DNMT3B: variants seen among roughly 807,000 people sequenced by gnomAD.
DNMT3B encodes the protein DNA methyltransferase 3 beta.
DNMT3B carries 37 observed loss-of-function variants against 120.2 expected under a neutral mutation model. The observed-to-expected ratio is 0.31, with a 90% confidence interval of 0.24 to 0.40. DNMT3B has a LOEUF of 0.40. Among genes scored for constraint, DNMT3B ranks in the 10% least tolerant of loss-of-function variants. The pLI is 1.00. For missense variants in DNMT3B, 878 were observed against 1,137.3 expected (o/e 0.77, Z 3.28); for synonymous variants, 412 against 442.8 (o/e 0.93, Z 0.87).
In DNMT3B at chr20:32,788,866, T is replaced by C; in HGVS notation, c.667T>C (p.Phe223Leu). ...DSSEYQDGKE[F>L]GIGDLVWGKI... Reference sequence around the variant, plus strand: ...GGTTTTCTTCCAGGATGGGAAGGAGTTTGGAATAGGGGACCTCGTGTGGGG... The same window carrying C: ...GGTTTTCTTCCAGGATGGGAAGGAGCTTGGAATAGGGGACCTCGTGTGGGG... Residue 223 changes from phenylalanine (F) to leucine (L), a missense_variant, in exon 7 of 23, where the codon TTT (phenylalanine) becomes CTT (leucine). Phe to Leu is a conservative substitution (Grantham distance 22). Coordinates refer to ENST00000328111, the MANE Select transcript of DNMT3B (RefSeq NM_006892.4). 1 of 1,600,230 alleles carries C rather than the reference T, an allele frequency of 6.2e-7. No individual in the cohort carries two copies. Among genetic ancestry groups the C allele is most frequent in the East Asian group, 2.2e-5 (1 of 44,482 alleles).
chr20:32,763,237 C>A (rs1246504482), intron 1 of DNMT3B, among the ~76,000 whole-genome samples: 1 of 152,244 alleles, frequency 6.6e-6, no homozygotes, highest in African/African-American at 2.4e-5. Context: ...GCTGTCCCTT[C>A]CCCCAATCCC....
At chr20:32,777,396 G>A (rs547757413) in intron 1 of DNMT3B, among the ~76,000 whole-genome samples, 1 of 152,284 alleles carries the variant, frequency 6.6e-6, no homozygotes, top group East Asian at 1.9e-4. Context: ...TGAGACTCCT[G>A]TCTGGCTTCT....
At chr20:32,767,216 G>T (rs73112123) in intron 1 of DNMT3B, among the ~76,000 whole-genome samples, 1 of 152,022 alleles carries the variant, frequency 6.6e-6, no homozygotes. Context: ...TTTTAATGGG[G>T]TCCTTGTCTT....
Position 32,798,662 on chromosome 20 carries a change from C to T in DNMT3B, c.1674+19C>T. 1 of 1,613,796 alleles carries T rather than the reference C, an allele frequency of 6.2e-7. No homozygotes were observed. The highest frequency in any genetic ancestry group is 8.5e-7 in the Non-Finnish European group (1 of 1,180,030). The stretch of plus-strand genomic sequence containing the variant: ...TGAATATGTAAGCCACAGGCTCCCG[C>T]CTCTACCACCACAGATCCCAGGGGC... On this transcript the variant is annotated intron_variant, in intron 15 of 22. Coordinates refer to ENST00000328111, the MANE Select transcript of DNMT3B (RefSeq NM_006892.4).
chr20:32,778,786 C>A (rs1306719801), intron 1 of DNMT3B, among the ~76,000 whole-genome samples: 1 of 152,230 alleles, frequency 6.6e-6, no homozygotes, highest in South Asian at 2.1e-4. Context: ...CATAGCCAGA[C>A]TCTGTTTCTA....
intron 10 of DNMT3B, among the ~76,000 whole-genome samples, chr20:32,794,298 A>G (rs1980344429): frequency 6.8e-6 from 1 of 146,316 alleles, no homozygotes; most frequent in South Asian, 2.2e-4. Context: ...TGCTAAGATC[A>G]TGCCACTGCA....
intron 1 of DNMT3B, among the ~76,000 whole-genome samples, chr20:32,763,929 G>A (rs1162837156): frequency 1.3e-5 from 2 of 152,234 alleles, no homozygotes; most frequent in Non-Finnish European, 2.9e-5. Context: ...ACGGGTGGCA[G>A]TTTTTGGGAA....
intron 1 of DNMT3B, among the ~76,000 whole-genome samples, chr20:32,767,399 G>A: frequency 6.6e-6 from 1 of 150,656 alleles, no homozygotes; most frequent in Non-Finnish European, 1.5e-5. Context: ...TCCTCCACTT[G>A]TCCCAGTCTG....
intron 3 of DNMT3B, among the ~76,000 whole-genome samples, chr20:32,783,846 C>T (rs1270768074): frequency 1.3e-5 from 2 of 152,132 alleles, no homozygotes; most frequent in Non-Finnish European, 2.9e-5. Context: ...CTGCCTCAGC[C>T]TCCCAAGTAG....
At chr20:32,773,209 C>A (rs751473423) in intron 1 of DNMT3B, among the ~76,000 whole-genome samples, 2 of 151,760 alleles carry the variant, frequency 1.3e-5, no homozygotes. Flanking sequence ...CGGGTTCAAG[C>A]GATTCTCCTG....
chr20:32,799,862 T>G (rs1419300446), intron 16 of DNMT3B, among the ~76,000 whole-genome samples: 1 of 152,226 alleles, frequency 6.6e-6, no homozygotes, highest in Non-Finnish European at 1.5e-5. Flanking sequence ...CTGTTACACT[T>G]TATTTTTTAT....
intron 7 of DNMT3B, among the ~76,000 whole-genome samples, chr20:32,790,110 T>C (rs1979793730): frequency 6.6e-6 from 1 of 152,188 alleles, no homozygotes; most frequent in Non-Finnish European, 1.5e-5. Context: ...TGAGCTACCA[T>C]GGGGCCATTT....
At chr20:32,769,142 T>A (rs912924449) in intron 1 of DNMT3B, among the ~76,000 whole-genome samples, 2 of 152,194 alleles carry the variant, frequency 1.3e-5, no homozygotes, top group African/African-American at 4.8e-5. Context: ...TGGAGTGCAG[T>A]GGCGAGATCT....
intron 4 of DNMT3B, 39 bp downstream of exon 4, chr20:32,784,898 A>G (rs781107440): frequency 6.3e-7 from 1 of 1,597,292 alleles, no homozygotes; most frequent in Non-Finnish European, 8.6e-7. Context: ...CTTGTGGCCA[A>G]CACTCTACAT....
At chr20:32,788,589 A>T (rs543409025) in intron 6 of DNMT3B, among the ~76,000 whole-genome samples, 1 of 151,854 alleles carries the variant, frequency 6.6e-6, no homozygotes, top group Non-Finnish European at 1.5e-5. Context: ...GGCGTGCACC[A>T]CCAAGCCCAG....
In DNMT3B at chr20:32,770,714, G is replaced by GTGATT. The variant is rs958952307; in HGVS notation, c.-7+8016_-7+8020dup. Among the ~76,000 whole-genome samples, 11 of 151,492 alleles carry GTGATT rather than the reference G, an allele frequency of 7.3e-5. 1 individual carries two copies. The highest frequency in any genetic ancestry group is 5.9e-4 in the Admixed American group (9 of 15,164). On this transcript the variant is annotated intron_variant, in intron 1 of 22. Transcript: ENST00000328111. ...CACAACCTCCGCCTCCCGGGTTCAAGTGATTCTCTTGCCTCAGCCTCCTGA... is the reference window on the plus strand; with the variant it reads ...CACAACCTCCGCCTCCCGGGTTCAAGTGATTTGATTCTCTTGCCTCAGCCTCCTGA...
At position 32,787,255 on chromosome 20, in the gene DNMT3B, C is replaced by T. The variant is rs147421711; in HGVS notation, c.458C>T (p.Ser153Leu). ...TRSLRRRATA[S>L]AGTPWPSPPS... ...TCCCTGAGACGGCGGGCAACAGCAT[C>T]GGCAGGAACGCCATGGCCGTCCCCT... is the stretch of plus-strand genomic sequence containing the variant. The change falls in exon 6 of 23, where the codon TCG becomes TTG. Residue 153 changes from serine to leucine, a missense_variant. Transcript: ENST00000328111. 34 of 1,614,258 alleles carry T rather than the reference C, an allele frequency of 2.1e-5. No homozygotes were observed. Among genetic ancestry groups the T allele is most frequent in the Non-Finnish European group, 2.3e-5 (27 of 1,180,058 alleles).
intron 8 of DNMT3B, among the ~76,000 whole-genome samples, chr20:32,792,303 G>C (rs114930300): frequency 6.6e-6 from 1 of 152,196 alleles, no homozygotes; most frequent in Non-Finnish European, 1.5e-5. Context: ...GATAGTGCTG[G>C]CTGGGGCTTC....
At position 32,808,451 on chromosome 20, in the gene DNMT3B, A is replaced by G. The variant is rs1487624953; in HGVS notation, c.*548A>G. The G allele has an allele frequency of 8.3e-6, 2 of 241,510 alleles. No individual in the cohort carries two copies. Among genetic ancestry groups the G allele is most frequent in the African/African-American group, 4.4e-5 (2 of 45,166 alleles). The allele number at this position is 241,510 out of a possible 1,614,324, so 15.0% of individuals were successfully genotyped here. A position where few individuals can be genotyped will look rare whatever the true frequency, so the allele number is the denominator to read the frequency against. On this transcript the variant is annotated 3_prime_UTR_variant, in exon 23 of 23. Transcript: ENST00000328111. ...GCAAGCAGAAGAGAAAATGTTGTAT[A>G]TGTCTTTTACCCGGCACATTCCCCT...
Sources: gnomAD v4.1 joint callset for allele counts (sites outside exome capture counted in the v4.1 genomes callset) on GRCh38, gnomAD v4.1.1 for gene constraint, MANE v1.5 for transcripts, NCBI Gene and HGNC (gene_info 2026-07-23, HGNC 2026-07-21) for gene names.